Variants in SLC9B1 observed in about 807,000 individuals in gnomAD.
The protein encoded by SLC9B1 is solute carrier family 9 member B1.
Under a neutral mutation model 51.7 loss-of-function variants are expected in SLC9B1, and 32 were observed. That is an observed-to-expected ratio of 0.62 (90% CI 0.47 to 0.83). SLC9B1 has a LOEUF of 0.83. SLC9B1 is among the 40% of genes least tolerant of loss of function. SLC9B1 has a pLI of 0.00. For synonymous variants in SLC9B1, 145 were observed against 212.7 expected (o/e 0.68, Z 2.77); for missense variants, 406 against 613.2 (o/e 0.66, Z 3.57).
At chr4:102,974,751 A>C (rs1279254378) in intron 3 of SLC9B1, among the ~76,000 whole-genome samples, 2 of 152,218 alleles carry the variant, frequency 1.3e-5, no homozygotes, top group African/African-American at 4.8e-5. Flanking sequence ...CCACTATCAC[A>C]TCAAAATAAT....
chr4:102,980,256 A>G (rs1461544724), intron 3 of SLC9B1, among the ~76,000 whole-genome samples: 1 of 152,190 alleles, frequency 6.6e-6, no homozygotes, highest in East Asian at 1.9e-4. Context: ...TATATACCCA[A>G]AGGAATATAA....
chr4:102,980,279 T>C (rs1438764503), intron 3 of SLC9B1, among the ~76,000 whole-genome samples: 1 of 152,158 alleles, frequency 6.6e-6, no homozygotes, highest in Non-Finnish European at 1.5e-5. Context: ...CATTCTATTA[T>C]GAAGACACAT....
chr4:102,957,848 A>T (rs1023508140), intron 3 of SLC9B1, among the ~76,000 whole-genome samples: 2 of 152,154 alleles, frequency 1.3e-5, no homozygotes, highest in Non-Finnish European at 2.9e-5. Context: ...TCTGATTATT[A>T]TAGGCAATAA....
At chr4:102,978,761 C>T (rs1739207559) in intron 3 of SLC9B1, among the ~76,000 whole-genome samples, 2 of 152,128 alleles carry the variant, frequency 1.3e-5, no homozygotes, top group South Asian at 4.1e-4. Context: ...TGTGGCGATT[C>T]CTCAGGGATC....
intron 11 of SLC9B1, among the ~76,000 whole-genome samples, chr4:102,904,967 G>A (rs1306063121): frequency 1.4e-5 from 2 of 146,462 alleles, no homozygotes; most frequent in Non-Finnish European, 3.0e-5. Context: ...CTGGGCAACA[G>A]AGTGAGACTC....
chr4:102,964,863 A>G (rs1399431014), intron 3 of SLC9B1, among the ~76,000 whole-genome samples: 2 of 152,302 alleles, frequency 1.3e-5, no homozygotes, highest in East Asian at 3.9e-4. Flanking sequence ...GCTTACCTCT[A>G]GATTAGGAAA....
At chr4:102,994,091 C>T (rs1740093501) in intron 1 of SLC9B1, among the ~76,000 whole-genome samples, 2 of 152,212 alleles carry the variant, frequency 1.3e-5, no homozygotes, top group Admixed American at 1.3e-4. Flanking sequence ...ACATTTGACT[C>T]CTCATTACTT....
At chr4:103,004,595 T>C (rs1453598637) in intron 1 of SLC9B1, among the ~76,000 whole-genome samples, 1 of 152,100 alleles carries the variant, frequency 6.6e-6, no homozygotes, top group African/African-American at 2.4e-5. Flanking sequence ...CCTTGTGAGA[T>C]ACTATACACA....
chr4:102,914,555 G>T (rs1195224339), intron 7 of SLC9B1, among the ~76,000 whole-genome samples: 3 of 152,150 alleles, frequency 2.0e-5, no homozygotes, highest in Non-Finnish European at 4.4e-5. Context: ...CTAGAAGCAA[G>T]ATGGAGTTGA....
intron 3 of SLC9B1, among the ~76,000 whole-genome samples, chr4:102,976,380 T>C (rs1263264700): frequency 1.3e-5 from 2 of 152,250 alleles, no homozygotes; most frequent in Admixed American, 6.5e-5. Flanking sequence ...AAAGATATTA[T>C]CATTTCTTAA....
chr4:102,918,813 G>A (rs184671373), intron 7 of SLC9B1, among the ~76,000 whole-genome samples: 4 of 152,312 alleles, frequency 2.6e-5, no homozygotes, highest in African/African-American at 9.6e-5. Context: ...AATTTCTGTT[G>A]TTCATAAATT....
At chr4:102,997,577 C>T (rs952063531) in intron 1 of SLC9B1, among the ~76,000 whole-genome samples, 22 of 152,074 alleles carry the variant, frequency 1.4e-4, no homozygotes, top group Admixed American at 5.9e-4. Flanking sequence ...TTTGGATTTT[C>T]TAAGTACATA....
At chr4:102,942,574 G>GA (rs1313924623) in intron 6 of SLC9B1, among the ~76,000 whole-genome samples, 1 of 152,116 alleles carries the variant, frequency 6.6e-6, no homozygotes, top group African/African-American at 2.4e-5. Flanking sequence ...CATAAAGTTG[G>GA]GAAAGGACAC....
intron 4 of SLC9B1, among the ~76,000 whole-genome samples, chr4:102,947,068 C>T (rs1414464531): frequency 1.3e-5 from 2 of 152,070 alleles, no homozygotes; most frequent in Admixed American, 1.3e-4. Flanking sequence ...AGGTCTCCCC[C>T]CACTTTGGCA....
At chr4:102,903,319 T>G (rs1194103810) in intron 11 of SLC9B1, among the ~76,000 whole-genome samples, 11 of 152,200 alleles carry the variant, frequency 7.2e-5, no homozygotes, top group Admixed American at 7.2e-4. Context: ...AAATAAAAAG[T>G]TATTATTTAT....
At chr4:102,895,905 T>C (rs1734511684) in intron 11 of SLC9B1, among the ~76,000 whole-genome samples, 1 of 152,204 alleles carries the variant, frequency 6.6e-6, no homozygotes, top group Non-Finnish European at 1.5e-5. Context: ...GGTGCCTAGG[T>C]TATTTCTTCA....
chr4:102,924,314 C>T (rs1736045545), intron 7 of SLC9B1, among the ~76,000 whole-genome samples: 1 of 152,134 alleles, frequency 6.6e-6, no homozygotes, highest in Non-Finnish European at 1.5e-5. Context: ...GGAAAGGATT[C>T]CCTATTTAAT....
At position 102,946,047 on chromosome 4, in the gene SLC9B1, T is replaced by A. The variant is rs1737249421; in HGVS notation, c.525+600A>T. On this transcript the variant is annotated intron_variant, in intron 5 of 11. Transcript: ENST00000296422. The stretch of plus-strand genomic sequence containing the variant: ...AAATTACTGAAATCCTTAATCTCCC[T>A]AAAAAAAGAAAAAGACTTTTATAAG... Among the ~76,000 whole-genome samples the A allele has an allele frequency of 2.0e-5, 3 of 152,038 alleles. No homozygotes were observed. In the South Asian group the frequency reaches 6.2e-4, roughly 31 times the overall value.
intron 3 of SLC9B1, among the ~76,000 whole-genome samples, chr4:102,966,396 G>A (rs115109128): frequency 0.017 from 2,632 of 152,286 alleles, 73 homozygotes; most frequent in African/African-American, 0.056. Flanking sequence ...GGTTGTAAAC[G>A]CCATCAAGGC....
Sources: gnomAD v4.1 joint callset for allele counts (sites outside exome capture counted in the v4.1 genomes callset) on GRCh38, gnomAD v4.1.1 for gene constraint, MANE v1.5 for transcripts, NCBI Gene and HGNC (gene_info 2026-07-23, HGNC 2026-07-21) for gene names.